Variants in NSUN6 observed in about 807,000 individuals in gnomAD.
The protein encoded by NSUN6 is NOP2/Sun RNA methyltransferase 6.
In NSUN6, 64 loss-of-function variants were observed where a neutral mutation model predicts 58.0. That is an observed-to-expected ratio of 1.10 (90% CI 0.90 to 1.36). The LOEUF is 1.36. NSUN6 is among the 40% of genes most tolerant of loss of function. The pLI is 0.00. For missense variants in NSUN6, 701 were observed against 550.1 expected (o/e 1.27, Z -2.74); for synonymous variants, 231 against 193.9 (o/e 1.19, Z -1.59).
rs950996317 is a variant in NSUN6 at position 18,630,685 on chromosome 10, T to C, written c.311+11791A>G. ...ATGGATAAATTCCTCAACACATACATTATCCCAAGACTAAACCAGGAAGAA... is the reference window on the plus strand; with the variant it reads ...ATGGATAAATTCCTCAACACATACACTATCCCAAGACTAAACCAGGAAGAA... On this transcript the variant is annotated intron_variant, in intron 3 of 10. Coordinates refer to ENST00000377304, the MANE Select transcript of NSUN6 (RefSeq NM_182543.5). 8.1e-3 allele frequency among the ~76,000 whole-genome samples: 1,229 copies of C among 152,140 alleles called. 9 individuals carry two copies. The highest frequency in any genetic ancestry group is 0.011 in the Non-Finnish European group (714 of 67,958).
At position 18,603,719 on chromosome 10, in the gene NSUN6, C is replaced by T. The variant is rs7078113; in HGVS notation, c.657+6126G>A. 3.7e-3 allele frequency among the ~76,000 whole-genome samples: 570 copies of T among 152,204 alleles called. 3 individuals carry two copies. Among genetic ancestry groups the T allele is most frequent in the African/African-American group, 0.013 (545 of 41,540 alleles). Reference sequence around the variant, plus strand: ...CTCAAACTCCTGACCTCAGGTGATCCGCCCACCTCAGCCTCCCAAACTGCT... The same window carrying T: ...CTCAAACTCCTGACCTCAGGTGATCTGCCCACCTCAGCCTCCCAAACTGCT... On this transcript the variant is annotated intron_variant, in intron 6 of 10. Transcript: ENST00000377304.
In NSUN6 at chr10:18,642,567, A is replaced by C. The variant is rs2059421210; in HGVS notation, c.232-12T>G. The C allele has an allele frequency of 2.3e-6, 3 of 1,297,150 alleles. No homozygotes were observed. The highest frequency in any genetic ancestry group is 1.7e-5 in the Admixed American group (1 of 57,750). 80.4% of individuals were successfully genotyped at this position (1,297,150 alleles called of 1,614,324 possible). A position where few individuals can be genotyped will look rare whatever the true frequency, so the allele number is the denominator to read the frequency against. On this transcript the variant is annotated splice_polypyrimidine_tract_variant and intron_variant, in intron 2 of 10. Transcript: ENST00000377304. ...AATCCATTAAACTGCTGTTAAAGAT[A>C]AACATGATTATAAAGTAATCCATAC... is the stretch of plus-strand genomic sequence containing the variant.
At chr10:18,658,739 G>A, upstream of NSUN6, 3 of 682,116 alleles carry the variant, frequency 4.4e-6, no homozygotes, top group Non-Finnish European at 3.6e-6. Context: ...CGCGGTGGCT[G>A]AGCCTGCAAT....
In NSUN6 at chr10:18,613,597, C is replaced by G. The variant is rs184281997; in HGVS notation, c.575+863G>C. On this transcript the variant is annotated intron_variant, in intron 5 of 10. Transcript: ENST00000377304. ...ATTACAGGTCCAAAGATAAACACAGCAGATATATGCACATAATCTTTATAT... is the reference window on the plus strand; with the variant it reads ...ATTACAGGTCCAAAGATAAACACAGGAGATATATGCACATAATCTTTATAT... Among the ~76,000 whole-genome samples the G allele has an allele frequency of 3.7e-3, 566 of 152,248 alleles. 7 individuals are homozygous for G. Among genetic ancestry groups the G allele is most frequent in the African/African-American group, 0.013 (541 of 41,552 alleles).
At chr10:18,624,404 G>A (rs566545385) in intron 3 of NSUN6, among the ~76,000 whole-genome samples, 4 of 152,030 alleles carry the variant, frequency 2.6e-5, no homozygotes, top group South Asian at 4.2e-4. Flanking sequence ...GGCTGGGTGC[G>A]GTGGCTCATG....
At chr10:18,638,947 TAAAAA>T (rs35673571) in intron 3 of NSUN6, among the ~76,000 whole-genome samples, 1 of 107,074 alleles carries the variant, frequency 9.3e-6, no homozygotes, top group Non-Finnish European at 1.8e-5. Flanking sequence ...TTGACAATGT[TAAAAA>T]AAAAAAAAAA....
chr10:18,651,738 G>A (rs1217943583), upstream of NSUN6: 4 of 985,442 alleles, frequency 4.1e-6, no homozygotes, highest in East Asian at 1.1e-4. Context: ...CCACGCCCCC[G>A]GAGGTTCCTA....
intron 8 of NSUN6, among the ~76,000 whole-genome samples, chr10:18,579,406 G>A (rs962997901): frequency 6.6e-5 from 10 of 151,468 alleles, no homozygotes; most frequent in African/African-American, 2.4e-5. Context: ...TCCTGACGTC[G>A]TGATCCACCC....
At chr10:18,599,823 CAAGAA>C (rs2057735194) in intron 6 of NSUN6, among the ~76,000 whole-genome samples, 1 of 152,084 alleles carries the variant, frequency 6.6e-6, no homozygotes, top group Non-Finnish European at 1.5e-5. Context: ...TCCAGTGAAC[CAAGAA>C]TATAACTTTG....
chr10:18,628,461 T>C (rs1402742465), intron 3 of NSUN6, among the ~76,000 whole-genome samples: 1 of 152,200 alleles, frequency 6.6e-6, no homozygotes, highest in Non-Finnish European at 1.5e-5. Context: ...TACTCCGAGC[T>C]ACGGGAGGAA....
chr10:18,631,919 G>A (rs1346100476), intron 3 of NSUN6, among the ~76,000 whole-genome samples: 2 of 152,166 alleles, frequency 1.3e-5, no homozygotes, highest in Non-Finnish European at 2.9e-5. Context: ...AAGTTCATAT[G>A]GAACCAAAAG....
chr10:18,652,822 G>A (rs2059732636), upstream of NSUN6: 2 of 794,806 alleles, frequency 2.5e-6, no homozygotes, highest in South Asian at 5.7e-5. Context: ...GCCTCCCAAA[G>A]TGCTGGGATT....
intron 3 of NSUN6, among the ~76,000 whole-genome samples, chr10:18,620,670 A>G (rs1411171131): frequency 6.6e-6 from 1 of 152,216 alleles, no homozygotes; most frequent in Non-Finnish European, 1.5e-5. Flanking sequence ...ATGAAATAAT[A>G]TCTGCTTAGA....
At chr10:18,650,057 C>T (rs181701768) in intron 1 of NSUN6, among the ~76,000 whole-genome samples, 2 of 152,228 alleles carry the variant, frequency 1.3e-5, no homozygotes, top group Admixed American at 1.3e-4. Context: ...TTAGAGGCAA[C>T]ATGGTAAAGT....
At position 18,647,725 on chromosome 10, in the gene NSUN6, G is replaced by GTTTTTT. The variant is rs571301351; in HGVS notation, c.231+759_231+764dup. Among the ~76,000 whole-genome samples the GTTTTTT allele has an allele frequency of 3.0e-5, 3 of 100,094 alleles. 1 individual carries two copies. Among genetic ancestry groups the GTTTTTT allele is most frequent in the African/African-American group, 8.1e-5 (2 of 24,718 alleles). The allele number at this position is 100,094 out of a possible 152,430, so 65.7% of individuals were successfully genotyped here. ...TAAAACATAAGGCGCTCAACACCTTGTTTTTTTTTTTTTTTTTTTTTTTTT... is the reference window on the plus strand; with the variant it reads ...TAAAACATAAGGCGCTCAACACCTTGTTTTTTTTTTTTTTTTTTTTTTTTTTTTTTT... On this transcript the variant is annotated intron_variant, in intron 2 of 10. Coordinates refer to ENST00000377304, the MANE Select transcript of NSUN6 (RefSeq NM_182543.5).
chr10:18,594,719 G>A (rs1211235564), intron 7 of NSUN6, among the ~76,000 whole-genome samples: 1 of 152,092 alleles, frequency 6.6e-6, no homozygotes, highest in Non-Finnish European at 1.5e-5. Context: ...TTCTATTCCG[G>A]TTGTTCGTGT....
chr10:18,628,224 G>T (rs932833370), intron 3 of NSUN6, among the ~76,000 whole-genome samples: 3 of 152,098 alleles, frequency 2.0e-5, no homozygotes, highest in African/African-American at 7.2e-5. Context: ...CTAACAAACA[G>T]AAAGGACATC....
At chr10:18,603,458 TTTTTC>T (rs577861731) in intron 6 of NSUN6, among the ~76,000 whole-genome samples, 6 of 151,672 alleles carry the variant, frequency 4.0e-5, no homozygotes, top group South Asian at 2.1e-4. Context: ...ATGCACGCTC[TTTTTC>T]TTTTCTTTTC....
rs762914186 is a variant in NSUN6, at chr10:18,633,433, AAAAT to A, written c.311+9039_311+9042del. Among the ~76,000 whole-genome samples the A allele has an allele frequency of 6.2e-4, 94 of 152,002 alleles. 1 individual carries two copies. Among genetic ancestry groups the A allele is most frequent in the Non-Finnish European group, 1.1e-3 (78 of 67,982 alleles). On this transcript the variant is annotated intron_variant, in intron 3 of 10. Coordinates refer to ENST00000377304, the MANE Select transcript of NSUN6 (RefSeq NM_182543.5). Reference sequence around the variant, plus strand: ...TATAATAATAATAAATTAATTAAATAAAATAAATAAATAAAATCTGAGGAGAAAA... The same window carrying A: ...TATAATAATAATAAATTAATTAAATAAAATAAATAAAATCTGAGGAGAAAA...
Sources: gnomAD v4.1 joint callset for allele counts (sites outside exome capture counted in the v4.1 genomes callset) on GRCh38, gnomAD v4.1.1 for gene constraint, MANE v1.5 for transcripts, NCBI Gene and HGNC (gene_info 2026-07-23, HGNC 2026-07-21) for gene names.